Variants in ENTPD6 observed in about 807,000 individuals in gnomAD.
The protein encoded by ENTPD6 is ectonucleoside triphosphate diphosphohydrolase 6.
A neutral mutation model predicts 61.5 loss-of-function variants in ENTPD6; 46 were observed. The ratio of observed to expected loss-of-function variants is 0.75; its 90% CI spans 0.59 to 0.96. The LOEUF (loss-of-function observed/expected upper bound fraction) is 0.96, where lower values mean the gene tolerates loss of function less well. Ranked by LOEUF, ENTPD6 falls within the 40% of genes least tolerant of loss-of-function variation. The probability of loss-of-function intolerance (pLI) is 0.00; values close to 1 mark genes in which losing one functional copy is unlikely to be tolerated. For synonymous variants in ENTPD6, 252 were observed against 255.5 expected (o/e 0.99, Z 0.13); for missense variants, 612 against 629.0 (o/e 0.97, Z 0.29).
intron 1 of ENTPD6, among the ~76,000 whole-genome samples, chr20:25,202,235 G>C (rs899795050): frequency 5.9e-5 from 9 of 152,196 alleles, no homozygotes; most frequent in Non-Finnish European, 4.4e-5. Context: ...TGCTGTCTCA[G>C]AGGTGGCAGG....
chr20:25,224,331 G>A (rs956365143), intron 13 of ENTPD6, 174 bp downstream of exon 13: 16 of 503,898 alleles, frequency 3.2e-5, no homozygotes, highest in African/African-American at 7.9e-5. Context: ...TCATGGGGTC[G>A]TGAGGAACTG....
rs2092813455 is a variant in ENTPD6, at chr20:25,227,282, G to A, written c.*1685G>A. On this transcript the variant is annotated 3_prime_UTR_variant, in exon 15 of 15. Transcript: ENST00000376652. ...AGGAACAGTTTCCTCCCTCCCGCCT[G>A]GGCTGGGTCCCCACCAGCGCCTTTA... Among the ~76,000 whole-genome samples, 1 of 152,234 alleles carries A rather than the reference G, an allele frequency of 6.6e-6. No homozygotes were observed. Among genetic ancestry groups the A allele is most frequent in the Non-Finnish European group, 1.5e-5 (1 of 68,040 alleles).
At chr20:25,201,941 C>A (rs374518330) in intron 1 of ENTPD6, among the ~76,000 whole-genome samples, 6 of 152,162 alleles carry the variant, frequency 3.9e-5, no homozygotes, top group African/African-American at 1.4e-4. Context: ...TGGTCTCAAA[C>A]TCCTGGGCTC....
intron 3 of ENTPD6, 118 bp from the exon 4 acceptor site, chr20:25,209,730 GC>G (rs2091819182): frequency 1.3e-6 from 1 of 797,504 alleles, no homozygotes; most frequent in African/African-American, 1.7e-5. Flanking sequence ...AAGGGCCCCT[GC>G]CACTTGGGGA....
intron 1 of ENTPD6, among the ~76,000 whole-genome samples, chr20:25,196,900 C>G (rs1471669200): frequency 6.6e-6 from 1 of 152,038 alleles, no homozygotes; most frequent in African/African-American, 2.4e-5. Flanking sequence ...CCTGAAGGTT[C>G]GGGTAAAGGA....
intron 9 of ENTPD6, 109 bp from the exon 10 acceptor site, chr20:25,218,441 G>A (rs2092461381): frequency 1.0e-6 from 1 of 953,460 alleles, no homozygotes; most frequent in Non-Finnish European, 1.6e-6. Context: ...CTCACTAACT[G>A]CCTTGCTGCA....
intron 12 of ENTPD6, 182 bp from the exon 13 acceptor site, chr20:25,223,919 A>G: frequency 2.1e-6 from 1 of 487,078 alleles, no homozygotes; most frequent in Non-Finnish European, 3.6e-6. Flanking sequence ...CCCACCCCAC[A>G]CCACATCACC....
intron 9 of ENTPD6, 87 bp from the exon 10 acceptor site, chr20:25,218,463 C>T: frequency 8.0e-7 from 1 of 1,251,786 alleles, no homozygotes; most frequent in Non-Finnish European, 1.1e-6. Context: ...GCTCCCCCTT[C>T]CCCACTCGGG....
chr20:25,225,619 C>A lies in ENTPD6; in HGVS notation c.*22C>A. 3.1e-6 allele frequency: 5 copies of A among 1,592,862 alleles called. No homozygotes were observed. Among genetic ancestry groups the A allele is most frequent in the South Asian group, 1.1e-5 (1 of 90,204 alleles). On this transcript the variant is annotated 3_prime_UTR_variant, in exon 15 of 15. Transcript: ENST00000376652. ...ATAGTGGCCGAGCCATCCCTGTCCC[C>A]GTCAGCAGTGTCTGTGTGTCTGCAT...
intron 1 of ENTPD6, among the ~76,000 whole-genome samples, chr20:25,198,937 C>T (rs1052940925): frequency 6.6e-6 from 1 of 152,218 alleles, no homozygotes; most frequent in African/African-American, 2.4e-5. Context: ...TGCCTCCTGC[C>T]AAATGGCCCC....
chr20:25,225,922 C>T lies in ENTPD6; in HGVS notation c.*325C>T, dbSNP rs932798178. 10 of 230,984 alleles carry T rather than the reference C, an allele frequency of 4.3e-5. No individual in the cohort carries two copies. Among genetic ancestry groups the T allele is most frequent in the Non-Finnish European group, 6.7e-5 (8 of 118,706 alleles). The allele number at this position is 230,984 out of a possible 1,614,324, so 14.3% of individuals were successfully genotyped here. On this transcript the variant is annotated 3_prime_UTR_variant, in exon 15 of 15. Coordinates refer to ENST00000376652, the MANE Select transcript of ENTPD6 (RefSeq NM_001247.5). ...GCCTGTCCCATCCCCATGCCCCGTCCGCGGGGCTGTGGCTGCTGCTGTGCA... is the reference window on the plus strand; with the variant it reads ...GCCTGTCCCATCCCCATGCCCCGTCTGCGGGGCTGTGGCTGCTGCTGTGCA...
chr20:25,198,481 C>CA (rs3216638), intron 1 of ENTPD6, among the ~76,000 whole-genome samples: 358 of 134,578 alleles, frequency 2.7e-3, no homozygotes, highest in Non-Finnish European at 4.0e-3. Flanking sequence ...GACTCTGTCT[C>CA]AAAAAAAAAA....
chr20:25,212,984 C>T (rs1442645011), intron 4 of ENTPD6, among the ~76,000 whole-genome samples: 1 of 152,210 alleles, frequency 6.6e-6, no homozygotes, highest in Non-Finnish European at 1.5e-5. Context: ...AGATTACAGG[C>T]GTAAGCCACC....
intron 3 of ENTPD6, among the ~76,000 whole-genome samples, chr20:25,209,020 G>A (rs2091740473): frequency 2.0e-5 from 3 of 151,346 alleles, no homozygotes; most frequent in South Asian, 4.2e-4. Context: ...GGGTTCAAGC[G>A]ATTCTCCTGC....
At chr20:25,196,136 C>T (rs1188086076) in intron 1 of ENTPD6, 39 of 1,219,102 alleles carry the variant, frequency 3.2e-5, no homozygotes, top group Non-Finnish European at 4.0e-5. Context: ...CCCAGCCCTG[C>T]TGCGTTCATT....
chr20:25,222,630 C>T (rs374318934), intron 11 of ENTPD6: 20 of 554,328 alleles, frequency 3.6e-5, no homozygotes, highest in Admixed American at 2.0e-4. Flanking sequence ...CTCCCTGCGC[C>T]GGGACCAACA....
chr20:25,207,518 C>A, intron 3 of ENTPD6, 121 bp downstream of exon 3: 1 of 887,888 alleles, frequency 1.1e-6, no homozygotes, highest in Non-Finnish European at 1.6e-6. Flanking sequence ...GAGATGCTGA[C>A]GCTGGTATGG....
intron 7 of ENTPD6, 44 bp downstream of exon 7, chr20:25,215,755 C>T: frequency 6.3e-7 from 1 of 1,599,042 alleles, no homozygotes; most frequent in Non-Finnish European, 8.6e-7. Flanking sequence ...TCACAGACAC[C>T]TGCGGAGGGC....
intron 10 of ENTPD6, among the ~76,000 whole-genome samples, chr20:25,219,441 G>A (rs1245658510): frequency 3.3e-5 from 5 of 152,356 alleles, no homozygotes; most frequent in Non-Finnish European, 7.3e-5. Flanking sequence ...GTCATGAAAT[G>A]TGGGCTTGGC....
Sources: allele counts gnomAD v4.1 joint callset (sites outside exome capture counted in the v4.1 genomes callset), GRCh38; gene constraint gnomAD v4.1.1; transcripts MANE v1.5; gene names NCBI Gene and HGNC (gene_info 2026-07-23, HGNC 2026-07-21).